The following DNMBP variants were observed in gnomAD, a reference collection of about 807,000 sequenced individuals.
The protein encoded by DNMBP is dynamin-binding protein.
DNMBP carries 87 observed loss-of-function variants against 150.0 expected under a neutral mutation model. The ratio of observed to expected loss-of-function variants is 0.58; its 90% CI spans 0.49 to 0.69. The LOEUF is 0.69. Among genes scored for constraint, DNMBP ranks in the 30% least tolerant of loss-of-function variants. The probability of loss-of-function intolerance (pLI) is 0.00; values close to 1 mark genes in which losing one functional copy is unlikely to be tolerated. For missense variants in DNMBP, 1,774 were observed against 1,949.0 expected (o/e 0.91, Z 1.69); for synonymous variants, 711 against 750.4 (o/e 0.95, Z 0.86).
intron 16 of DNMBP, among the ~76,000 whole-genome samples, chr10:99,877,731 GCA>G (rs1299030665): frequency 6.6e-6 from 1 of 152,128 alleles, no homozygotes; most frequent in Non-Finnish European, 1.5e-5. Context: ...GGGCGTGGTG[GCA>G]CACACTTCTA....
chr10:99,887,564 T>C, intron 12 of DNMBP, among the ~76,000 whole-genome samples: 1 of 152,092 alleles, frequency 6.6e-6, no homozygotes, highest in East Asian at 1.9e-4. Context: ...TAATTCTTTC[T>C]AACACACAGA....
chr10:99,951,863 C>T (rs2040426760), intron 4 of DNMBP, among the ~76,000 whole-genome samples: 1 of 152,090 alleles, frequency 6.6e-6, no homozygotes, highest in African/African-American at 2.4e-5. Flanking sequence ...CTTTGGGGGA[C>T]TGTTGGGAAG....
chr10:99,980,866 T>A (rs906245159), intron 1 of DNMBP, among the ~76,000 whole-genome samples: 2 of 152,062 alleles, frequency 1.3e-5, no homozygotes, highest in Non-Finnish European at 2.9e-5. Context: ...ACTGCATGAA[T>A]GAGGTACACA....
At chr10:99,975,436 A>C (rs965223670) in intron 1 of DNMBP, among the ~76,000 whole-genome samples, 3 of 152,330 alleles carry the variant, frequency 2.0e-5, no homozygotes, top group Admixed American at 2.0e-4. Context: ...CATTTAGTAT[A>C]TTAATATGGA....
intron 1 of DNMBP, among the ~76,000 whole-genome samples, chr10:99,998,328 A>G (rs909350873): frequency 4.6e-5 from 7 of 152,198 alleles, no homozygotes; most frequent in African/African-American, 1.7e-4. Flanking sequence ...CTGTAATCCC[A>G]ACACTTTGGG....
chr10:99,977,518 C>T (rs761315802), intron 1 of DNMBP, among the ~76,000 whole-genome samples: 83 of 152,180 alleles, frequency 5.5e-4, no homozygotes, highest in Non-Finnish European at 6.2e-4. Context: ...GCTATGAAAA[C>T]ACCATCTTCT....
chr10:99,970,455 G>A (rs901994751), intron 2 of DNMBP, among the ~76,000 whole-genome samples: 18 of 152,286 alleles, frequency 1.2e-4, no homozygotes, highest in South Asian at 8.3e-4. Flanking sequence ...GTACCATGTA[G>A]GGTAAGGGAT....
chr10:99,968,118 T>C (rs2040638297), intron 3 of DNMBP, among the ~76,000 whole-genome samples: 1 of 152,218 alleles, frequency 6.6e-6, no homozygotes, highest in African/African-American at 2.4e-5. Context: ...ATCCTCTTGC[T>C]GCAGCCTCCT....
chr10:99,947,831 C>T (rs2040374964), intron 4 of DNMBP, among the ~76,000 whole-genome samples: 1 of 151,960 alleles, frequency 6.6e-6, no homozygotes, highest in African/African-American at 2.4e-5. Context: ...TGTACTAATG[C>T]TCTTTTAATG....
At chr10:99,925,104 G>A (rs920749912) in intron 4 of DNMBP, among the ~76,000 whole-genome samples, 2 of 152,130 alleles carry the variant, frequency 1.3e-5, no homozygotes, top group Non-Finnish European at 2.9e-5. Flanking sequence ...ACCTCTGTTG[G>A]CAGCCTCCCT....
In DNMBP at chr10:99,958,681, A is replaced by T. The variant is rs78026888; in HGVS notation, c.269-1476T>A. On this transcript the variant is annotated intron_variant, in intron 3 of 16. Coordinates refer to ENST00000324109, the MANE Select transcript of DNMBP (RefSeq NM_015221.4). ...AGATTCTTCTGATGAGATAGTAACA[A>T]ATATGATTTTTTCACATTGTATGTT... is the stretch of plus-strand genomic sequence containing the variant. Among the ~76,000 whole-genome samples the T allele has an allele frequency of 1.9e-3, 294 of 152,360 alleles. 1 individual carries two copies. Among genetic ancestry groups the T allele is most frequent in the African/African-American group, 6.6e-3 (276 of 41,578 alleles).
Position 99,884,193 on chromosome 10 carries a change from T to A in DNMBP, c.3815A>T (p.Gln1272Leu). 1.2e-6 allele frequency: 2 copies of A among 1,613,242 alleles called. No homozygotes were observed. Among genetic ancestry groups the A allele is most frequent in the Non-Finnish European group, 1.7e-6 (2 of 1,179,822 alleles). The change falls in exon 15 of 17, where the codon CAG becomes CTG. Residue 1272 changes from glutamine (Q) to leucine (L), a missense_variant. By Grantham distance (113) the Gln-to-Leu change is moderately radical. This residue lies in a region of DNMBP where 1,430 missense variants were observed against 1,492.5 expected (regional missense o/e 0.96). Transcript: ENST00000324109. ...GAGGGAGGCCCGGAGTTCTTCTGAC[T>A]GTAGCATGTAACTTGGCTGAAAGGT... ...PLLGLPSYML[Q>L]SEELRASLLA...
chr10:99,999,004 T>C (rs914462834), intron 1 of DNMBP, among the ~76,000 whole-genome samples: 2 of 152,244 alleles, frequency 1.3e-5, no homozygotes, highest in African/African-American at 4.8e-5. Flanking sequence ...TTCAGAGCTT[T>C]CTCCTTTCGG....
At position 99,969,150 on chromosome 10, in the gene DNMBP, G is replaced by C. The variant is rs1443640302; in HGVS notation, c.233C>G (p.Thr78Arg). The change falls in exon 3 of 17, where the codon ACA (threonine) becomes AGA (arginine). Residue 78 changes from threonine (T) to arginine (R), a missense_variant. Around this residue, in one of 2 missense-constraint regions of DNMBP, gnomAD observed 344 missense variants for 456.6 expected, o/e 0.75. Transcript: ENST00000324109. ...ERLFVCICEFTSQELDNLPLH... is the reference protein window; with the variant it reads ...ERLFVCICEFRSQELDNLPLH... Reference sequence around the variant, plus strand: ...GGGAAGATTATCCAACTCTTGGGATGTGAATTCACAAATGCACACAAACAG... The same window carrying C: ...GGGAAGATTATCCAACTCTTGGGATCTGAATTCACAAATGCACACAAACAG... 6.2e-7 allele frequency: 1 copy of C among 1,614,126 alleles called. No individual in the cohort carries two copies. The highest frequency in any genetic ancestry group is 1.7e-5 in the Admixed American group (1 of 60,022).
intron 10 of DNMBP, among the ~76,000 whole-genome samples, chr10:99,895,533 C>G (rs1163032651): frequency 6.6e-6 from 1 of 152,182 alleles, no homozygotes; most frequent in Non-Finnish European, 1.5e-5. Flanking sequence ...TTCAAAAGAC[C>G]TCCAAAATAC....
At chr10:100,004,468 T>C (rs2133393364) in intron 1 of DNMBP, among the ~76,000 whole-genome samples, 1 of 152,080 alleles carries the variant, frequency 6.6e-6, no homozygotes, top group South Asian at 2.1e-4. Context: ...GACAGACTAA[T>C]GGAACAAAAT....
chr10:99,894,496 C>A (rs1295643359), intron 11 of DNMBP, among the ~76,000 whole-genome samples: 1 of 152,164 alleles, frequency 6.6e-6, no homozygotes, highest in African/African-American at 2.4e-5. Context: ...ATTATAGCAA[C>A]TGAATATTAA....
chr10:100,008,422 T>C (rs1175392641), intron 1 of DNMBP, among the ~76,000 whole-genome samples: 1 of 152,252 alleles, frequency 6.6e-6, no homozygotes, highest in Non-Finnish European at 1.5e-5. Context: ...AGACTTGAGC[T>C]ACTCTCCACC....
chr10:99,912,142 GGTTAT>G (rs983554248), intron 4 of DNMBP, among the ~76,000 whole-genome samples: 115 of 152,260 alleles, frequency 7.6e-4, no homozygotes, highest in Middle Eastern at 6.8e-3. Flanking sequence ...ACTTGTCTGA[GGTTAT>G]ATAGTGAGTA....
Sources: allele counts gnomAD v4.1 joint callset (sites outside exome capture counted in the v4.1 genomes callset), GRCh38; gene constraint gnomAD v4.1.1; regional missense constraint gnomAD v4.1.1; transcripts MANE v1.5; gene names NCBI Gene and HGNC (gene_info 2026-07-23, HGNC 2026-07-21).